NFXL1: variants seen among roughly 807,000 people sequenced by gnomAD.
The protein encoded by NFXL1 is nuclear transcription factor, X-box binding like 1.
Under a neutral mutation model 123.3 loss-of-function variants are expected in NFXL1, and 66 were observed. The observed-to-expected ratio is 0.54, with a 90% CI of 0.44 to 0.66. The LOEUF (loss-of-function observed/expected upper bound fraction) is 0.66, where lower values mean the gene tolerates loss of function less well. Ranked by LOEUF, NFXL1 falls within the 30% of genes least tolerant of loss-of-function variation. The pLI, the probability that NFXL1 is intolerant of heterozygous loss-of-function variation, is 0.00. For synonymous variants in NFXL1, 346 were observed against 360.8 expected (o/e 0.96, Z 0.46); for missense variants, 944 against 1,125.6 (o/e 0.84, Z 2.31).
rs1474238043 is a variant in NFXL1, at chr4:47,914,166, C to T, written c.38G>A (p.Gly13Asp). Reference protein sequence around the residue: ...ASWRQVAGGRGRSRGRATAAP... With the variant: ...ASWRQVAGGRDRSRGRATAAP... ...GGCAGTGGCCCGTCCCCGGGATCGG[C>T]CTCGGCCACCGGCCACCTGGCGCCA... The change falls in exon 2 of 23, where the codon GGC (glycine) becomes GAC (aspartate). Residue 13 changes from glycine (G) to aspartate (D), a missense_variant. Physicochemically the swap from Gly to Asp is moderately conservative, Grantham distance 94 (BLOSUM62 -1). Around this residue, in one of 4 missense-constraint regions of NFXL1, gnomAD observed 303 missense variants for 292.1 expected, o/e 1.04. Coordinates refer to ENST00000507489, the MANE Select transcript of NFXL1 (RefSeq NM_001278624.2). The T allele has an allele frequency of 6.5e-7, 1 of 1,536,578 alleles. No homozygotes were observed. The highest frequency in any genetic ancestry group is 2.0e-5 in the Admixed American group (1 of 50,754).
chr4:47,876,354 GATA>G (rs151231097), intron 17 of NFXL1, among the ~76,000 whole-genome samples: 2 of 152,180 alleles, frequency 1.3e-5, no homozygotes, highest in East Asian at 1.9e-4. Context: ...AAGCCTGACT[GATA>G]AAGATCACAT....
intron 3 of NFXL1, among the ~76,000 whole-genome samples, 181 bp from the exon 4 acceptor site, chr4:47,905,527 G>A (rs1044854847): frequency 1.3e-5 from 2 of 152,186 alleles, no homozygotes; most frequent in Admixed American, 1.3e-4. Flanking sequence ...AACGAAGTCT[G>A]TGTATTAAAT....
chr4:47,878,757 G>A, intron 16 of NFXL1, 92 bp from the exon 17 acceptor site: 1 of 924,182 alleles, frequency 1.1e-6, no homozygotes, highest in Non-Finnish European at 1.5e-6. Context: ...TATCATTTGA[G>A]AACAAGTTTC....
chr4:47,863,001 A>G, intron 18 of NFXL1, 86 bp from the exon 19 acceptor site: 1 of 722,998 alleles, frequency 1.4e-6, no homozygotes, highest in Non-Finnish European at 2.4e-6. Context: ...TTTCAAACAT[A>G]TCCATAAAAT....
At chr4:47,889,065 T>C (rs1298636728) in intron 12 of NFXL1, among the ~76,000 whole-genome samples, 1 of 152,244 alleles carries the variant, frequency 6.6e-6, no homozygotes, top group Non-Finnish European at 1.5e-5. Context: ...CTAAACTTTT[T>C]GCAGATACTC....
chr4:47,906,358 A>G (rs1416874672), intron 3 of NFXL1, among the ~76,000 whole-genome samples: 1 of 152,230 alleles, frequency 6.6e-6, no homozygotes, highest in African/African-American at 2.4e-5. Flanking sequence ...GGTTCAAGCC[A>G]AAATTTAAGT....
intron 6 of NFXL1, 50 bp from the exon 7 acceptor site, chr4:47,899,170 A>G (rs1404383321): frequency 2.1e-5 from 31 of 1,495,590 alleles, no homozygotes; most frequent in Non-Finnish European, 2.7e-5. Context: ...ATCTAAAGTC[A>G]GAAACTAAAA....
intron 18 of NFXL1, among the ~76,000 whole-genome samples, chr4:47,870,949 G>A (rs78894227): frequency 2.5e-4 from 38 of 152,276 alleles, no homozygotes; most frequent in East Asian, 7.7e-4. Flanking sequence ...AAATGATGGC[G>A]AAGGACCAAA....
At chr4:47,895,098 A>C (rs1560599878) in intron 10 of NFXL1, among the ~76,000 whole-genome samples, 1 of 152,256 alleles carries the variant, frequency 6.6e-6, no homozygotes, top group East Asian at 1.9e-4. Flanking sequence ...AATATTTTGA[A>C]AGGAATATTT....
At position 47,914,345 on chromosome 4, in the gene NFXL1, G is replaced by A. The variant is rs1031187960; in HGVS notation, c.-3+20C>T. 3.0e-6 allele frequency: 2 copies of A among 666,182 alleles called. No individual in the cohort carries two copies. The highest frequency in any genetic ancestry group is 4.9e-6 in the Non-Finnish European group (2 of 409,276). 41.3% of individuals were successfully genotyped at this position (666,182 alleles called of 1,614,324 possible). On this transcript the variant is annotated intron_variant, in intron 1 of 22. Transcript: ENST00000507489. ...GCAGGGCGGCGACCGGGTTTTAGGA[G>A]GTCGCGGCCCTGCCTTTACCGGAGG...
intron 19 of NFXL1, among the ~76,000 whole-genome samples, chr4:47,859,035 TA>T (rs1734573973): frequency 6.6e-6 from 1 of 152,208 alleles, no homozygotes. Context: ...ATGCATAAGA[TA>T]AAATGATGGT....
Position 47,848,239 on chromosome 4 carries a change from T to A in NFXL1, c.2660A>T (p.His887Leu), listed in dbSNP as rs1295094218. 1.9e-6 allele frequency: 3 copies of A among 1,613,008 alleles called. No homozygotes were observed. Among genetic ancestry groups the A allele is most frequent in the Admixed American group, 3.3e-5 (2 of 59,998 alleles). Residue 887 changes from histidine to leucine, a missense_variant, in exon 23 of 23, where the codon CAT becomes CTT. His to Leu is a moderately conservative substitution (Grantham distance 99). Transcript: ENST00000507489. The part of the protein sequence containing the change: ...VAVELSLWQK[H>L]KYYLISVCGV... Reference sequence around the variant, plus strand: ...ACACACTGAAATGAGATAATATTTATGTTTTTGCCATAGTGATAGCTCAAC... The same window carrying A: ...ACACACTGAAATGAGATAATATTTAAGTTTTTGCCATAGTGATAGCTCAAC...
chr4:47,851,203 G>T (rs1245635491), intron 21 of NFXL1, 55 bp from the exon 22 acceptor site: 25 of 1,291,430 alleles, frequency 1.9e-5, no homozygotes, highest in Non-Finnish European at 2.7e-5. Flanking sequence ...ATTTTATATG[G>T]AATTTTAACA....
At chr4:47,892,063 AAT>A (rs1479821275) in intron 11 of NFXL1, among the ~76,000 whole-genome samples, 3 of 152,260 alleles carry the variant, frequency 2.0e-5, no homozygotes, top group African/African-American at 7.2e-5. Context: ...TGAATAAGCC[AAT>A]AGACACTTCT....
chr4:47,866,082 C>T (rs1735053807), intron 18 of NFXL1, among the ~76,000 whole-genome samples: 1 of 151,796 alleles, frequency 6.6e-6, no homozygotes, highest in African/African-American at 2.4e-5. Context: ...GGAAAGGCAA[C>T]ACTCCGGGAA....
chr4:47,855,265 G>T, intron 19 of NFXL1, 102 bp from the exon 20 acceptor site: 1 of 597,664 alleles, frequency 1.7e-6, no homozygotes, highest in Non-Finnish European at 3.0e-6. Flanking sequence ...CACACAAAGG[G>T]TCAATCAATC....
chr4:47,881,310 A>C (rs1279233041), intron 15 of NFXL1, among the ~76,000 whole-genome samples: 1 of 152,172 alleles, frequency 6.6e-6, no homozygotes, highest in Non-Finnish European at 1.5e-5. Flanking sequence ...TACATTTCCT[A>C]TAAATATGTA....
At chr4:47,860,251 C>T (rs1251176698) in intron 19 of NFXL1, among the ~76,000 whole-genome samples, 1 of 151,982 alleles carries the variant, frequency 6.6e-6, no homozygotes, top group East Asian at 1.9e-4. Context: ...AAACTTTGAA[C>T]ATTTAAAAAA....
Position 47,910,890 on chromosome 4 carries a change from C to T in NFXL1, c.340G>A (p.Glu114Lys), listed in dbSNP as rs1296589257. The change falls in exon 3 of 23, where the codon GAA (glutamate) becomes AAA (lysine). Residue 114 changes from glutamate to lysine, a missense_variant. By Grantham distance (56) the Glu-to-Lys change is moderately conservative. Transcript: ENST00000507489. The stretch of plus-strand genomic sequence containing the variant: ...TTTCCCTGTTTTCCTTCAAAATCTT[C>T]ATCTCCTTCTTCAGATGAAGAGCTA... ...QFSSSSEEGD[E>K]DFEGKQGKIL... 6.2e-7 allele frequency: 1 copy of T among 1,603,398 alleles called. No homozygotes were observed. Among genetic ancestry groups the T allele is most frequent in the African/African-American group, 1.3e-5 (1 of 74,574 alleles).
Sources: gnomAD v4.1 joint callset for allele counts (sites outside exome capture counted in the v4.1 genomes callset) on GRCh38, gnomAD v4.1.1 for gene constraint, gnomAD v4.1.1 regional missense constraint, MANE v1.5 for transcripts, NCBI Gene and HGNC (gene_info 2026-07-23, HGNC 2026-07-21) for gene names.